The following SPAG16 variants were observed in gnomAD, a reference collection of about 807,000 sequenced individuals.
The protein encoded by SPAG16 is sperm associated antigen 16.
A neutral mutation model predicts 80.4 loss-of-function variants in SPAG16; 86 were observed. The ratio of observed to expected loss-of-function variants is 1.07; its 90% CI spans 0.90 to 1.28. The LOEUF (loss-of-function observed/expected upper bound fraction) is 1.28. Ranked by LOEUF, SPAG16 falls within the 50% of genes most tolerant of loss-of-function variation. The pLI is 0.00. For missense variants in SPAG16, 870 were observed against 765.3 expected (o/e 1.14, Z -1.61); for synonymous variants, 294 against 265.9 (o/e 1.11, Z -1.03).
At chr2:214,320,216 G>T (rs2125992534) in intron 15 of SPAG16, among the ~76,000 whole-genome samples, 1 of 152,208 alleles carries the variant, frequency 6.6e-6, no homozygotes, top group Middle Eastern at 3.4e-3. Flanking sequence ...CTTAGTTATA[G>T]GTAGCCACCT....
chr2:213,683,553 A>T (rs74805627), intron 10 of SPAG16, among the ~76,000 whole-genome samples: 1 of 148,838 alleles, frequency 6.7e-6, no homozygotes, highest in Non-Finnish European at 1.5e-5. Context: ...TCCATCTCCA[A>T]AAAAAAAAAA....
chr2:213,309,836 T>G (rs1482365196), intron 3 of SPAG16, among the ~76,000 whole-genome samples: 1 of 152,058 alleles, frequency 6.6e-6, no homozygotes, highest in African/African-American at 2.4e-5. Flanking sequence ...TTATTCATAT[T>G]CTGTCTCCAT....
chr2:213,330,172 A>C (rs2064028854), intron 5 of SPAG16, among the ~76,000 whole-genome samples: 1 of 152,122 alleles, frequency 6.6e-6, no homozygotes, highest in African/African-American at 2.4e-5. Context: ...CAGAGTCCCT[A>C]CTGGAGCATT....
intron 15 of SPAG16, among the ~76,000 whole-genome samples, chr2:214,168,092 G>A (rs147031286): frequency 2.7e-5 from 4 of 149,750 alleles, no homozygotes; most frequent in Non-Finnish European, 5.9e-5. Flanking sequence ...CGAGGTCAAA[G>A]GATTCTCCCA....
rs60013080 is a variant in SPAG16 at position 214,102,431 on chromosome 2, T to A, written c.1528-5765T>A. Among the ~76,000 whole-genome samples the A allele has an allele frequency of 5.5e-3, 839 of 152,124 alleles. 6 individuals carry two copies. The highest frequency in any genetic ancestry group is 0.02 in the African/African-American group (817 of 41,518). ...ATCAGGGATGTGACACAGTGGAAGC[T>A]CAGTTCTCATTCATGGACTACCCAA... On this transcript the variant is annotated intron_variant, in intron 13 of 15. Transcript: ENST00000331683.
intron 15 of SPAG16, among the ~76,000 whole-genome samples, chr2:214,160,782 C>A (rs191636390): frequency 1.6e-4 from 25 of 152,040 alleles, no homozygotes; most frequent in African/African-American, 6.0e-4. Flanking sequence ...TACATTTTAC[C>A]CACATTAATA....
chr2:213,989,940 AT>A (rs1245988335), intron 12 of SPAG16, among the ~76,000 whole-genome samples: 5 of 152,128 alleles, frequency 3.3e-5, no homozygotes, highest in Non-Finnish European at 7.4e-5. Flanking sequence ...TTGCAAAAAA[AT>A]AAAAATTGCC....
At chr2:213,958,798 G>A (rs1239733841) in intron 12 of SPAG16, among the ~76,000 whole-genome samples, 2 of 151,856 alleles carry the variant, frequency 1.3e-5, no homozygotes, top group African/African-American at 4.8e-5. Context: ...ATAAACTATT[G>A]CTACTATAAC....
At chr2:213,900,287 GA>G (rs1207540665) in intron 11 of SPAG16, among the ~76,000 whole-genome samples, 3 of 152,074 alleles carry the variant, frequency 2.0e-5, no homozygotes, top group African/African-American at 7.2e-5. Context: ...TTACAAGTTA[GA>G]CTTGGAAAAA....
intron 14 of SPAG16, 39 bp downstream of exon 14, chr2:214,108,300 C>T (rs2125404363): frequency 6.8e-7 from 1 of 1,465,524 alleles, no homozygotes. Context: ...TTTAATGCTT[C>T]ATATATACAA....
intron 12 of SPAG16, among the ~76,000 whole-genome samples, chr2:213,980,729 G>GT (rs2045700275): frequency 1.2e-5 from 1 of 85,988 alleles, no homozygotes; most frequent in Non-Finnish European, 2.0e-5. Flanking sequence ...TATATATAGA[G>GT]AGAGAGAGAG....
intron 7 of SPAG16, among the ~76,000 whole-genome samples, chr2:213,355,301 G>A (rs924601284): frequency 6.6e-6 from 1 of 152,188 alleles, no homozygotes; most frequent in Admixed American, 6.5e-5. Flanking sequence ...GTAGCCTGAT[G>A]CTTCCAGCTT....
chr2:213,522,870 T>G (rs1432462349), intron 10 of SPAG16, among the ~76,000 whole-genome samples: 1 of 149,536 alleles, frequency 6.7e-6, no homozygotes, highest in Non-Finnish European at 1.5e-5. Flanking sequence ...TATATATATG[T>G]TTTAGGCATT....
chr2:213,519,132 C>T (rs919843814), intron 10 of SPAG16, among the ~76,000 whole-genome samples: 2 of 152,114 alleles, frequency 1.3e-5, no homozygotes, highest in African/African-American at 4.8e-5. Context: ...GTGCAATATA[C>T]CCAAGTAACA....
chr2:214,096,557 GT>G (rs2052606231), intron 13 of SPAG16, among the ~76,000 whole-genome samples: 1 of 151,746 alleles, frequency 6.6e-6, no homozygotes, highest in African/African-American at 2.4e-5. Context: ...TACTGGGAGC[GT>G]TTTTTTAAAC....
At chr2:214,201,427 A>G (rs1354152891) in intron 15 of SPAG16, among the ~76,000 whole-genome samples, 1 of 152,202 alleles carries the variant, frequency 6.6e-6, no homozygotes, top group Non-Finnish European at 1.5e-5. Context: ...CATATGAATG[A>G]ATTCAGGCCT....
chr2:214,179,962 T>C (rs1245339088), intron 15 of SPAG16, among the ~76,000 whole-genome samples: 1 of 151,570 alleles, frequency 6.6e-6, no homozygotes, highest in African/African-American at 2.4e-5. Context: ...CATTCTGGGT[T>C]AGCAGTTATT....
chr2:213,774,289 T>A (rs1232390015), intron 10 of SPAG16, among the ~76,000 whole-genome samples: 8 of 152,212 alleles, frequency 5.3e-5, no homozygotes, highest in Non-Finnish European at 7.3e-5. Context: ...AAAATCAAGG[T>A]GTTGACAGGG....
chr2:213,847,759 GGAGA>G (rs755014703), intron 10 of SPAG16, among the ~76,000 whole-genome samples: 1 of 152,108 alleles, frequency 6.6e-6, no homozygotes, highest in Non-Finnish European at 1.5e-5. Flanking sequence ...AGCAGATTAA[GGAGA>G]GAGAAACACT....
Sources: gnomAD v4.1 joint callset for allele counts (sites outside exome capture counted in the v4.1 genomes callset) on GRCh38, gnomAD v4.1.1 for gene constraint, MANE v1.5 for transcripts, NCBI Gene and HGNC (gene_info 2026-07-23, HGNC 2026-07-21) for gene names.